The following PCED1B variants were observed in gnomAD, a reference collection of about 807,000 sequenced individuals.
PCED1B encodes PC-esterase domain containing 1B.
For synonymous variants in PCED1B, 251 were observed against 246.1 expected (o/e 1.02, Z -0.19); for missense variants, 573 against 573.9 (o/e 1.00, Z 0.02).
chr12:47,093,664 A>G (rs949673519), intron 1 of PCED1B, among the ~76,000 whole-genome samples: 2 of 151,198 alleles, frequency 1.3e-5, no homozygotes, highest in African/African-American at 2.4e-5. Flanking sequence ...TTTAAGAACT[A>G]ATTTCTGTTT....
chr12:47,152,708 A>G (rs1941040516), intron 2 of PCED1B, among the ~76,000 whole-genome samples: 1 of 152,152 alleles, frequency 6.6e-6, no homozygotes, highest in African/African-American at 2.4e-5. Context: ...AGGCAGGTGG[A>G]TCACCTGAGG....
chr12:47,206,560 T>A (rs775312571), intron 2 of PCED1B: 1 of 152,256 alleles, frequency 6.6e-6, no homozygotes, highest in Non-Finnish European at 1.5e-5. Flanking sequence ...TTGCTCCACC[T>A]CCTGCCTCCT....
chr12:47,131,019 T>C (rs1940101763), intron 2 of PCED1B, among the ~76,000 whole-genome samples: 1 of 152,202 alleles, frequency 6.6e-6, no homozygotes, highest in African/African-American at 2.4e-5. Flanking sequence ...ATAATCATAT[T>C]CAGTATGTTC....
chr12:47,094,636 A>ATTT (rs200368205), intron 1 of PCED1B, among the ~76,000 whole-genome samples: 2,415 of 152,154 alleles, frequency 0.016, 73 homozygotes, highest in African/African-American at 0.054. Flanking sequence ...TTTATTACAG[A>ATTT]ATTATACAAA....
At chr12:47,090,657 A>C (rs1454644535) in intron 1 of PCED1B, among the ~76,000 whole-genome samples, 3 of 152,124 alleles carry the variant, frequency 2.0e-5, no homozygotes, top group African/African-American at 7.2e-5. Flanking sequence ...CTAACAACAT[A>C]GATTAGCTCA....
intron 1 of PCED1B, among the ~76,000 whole-genome samples, chr12:47,081,794 C>A (rs1311628828): frequency 6.6e-6 from 1 of 151,984 alleles, no homozygotes; most frequent in East Asian, 1.9e-4. Flanking sequence ...TTTAAGGAAA[C>A]CATGAAGGCA....
intron 2 of PCED1B, among the ~76,000 whole-genome samples, chr12:47,154,504 CTTAG>C (rs1033935879): frequency 3.3e-5 from 5 of 152,084 alleles, no homozygotes; most frequent in African/African-American, 1.2e-4. Flanking sequence ...TTTTAAAAAT[CTTAG>C]TTGGTATCAT....
At chr12:47,162,986 A>C (rs1215257192) in intron 2 of PCED1B, among the ~76,000 whole-genome samples, 1 of 152,222 alleles carries the variant, frequency 6.6e-6, no homozygotes, top group Non-Finnish European at 1.5e-5. Flanking sequence ...GAATTTTAAT[A>C]GGGATTGCAT....
chr12:47,182,240 A>G (rs768611955), intron 2 of PCED1B, among the ~76,000 whole-genome samples: 8 of 152,180 alleles, frequency 5.3e-5, no homozygotes, highest in Non-Finnish European at 1.2e-4. Flanking sequence ...GAGGACCTAG[A>G]AGAATTCACT....
chr12:47,230,366 A>G (rs832709), intron 3 of PCED1B, among the ~76,000 whole-genome samples: 104,071 of 151,962 alleles, frequency 0.68, 35,780 homozygotes, highest in South Asian at 0.74. Flanking sequence ...TCACAGGCAT[A>G]AGCCACCACG....
At chr12:47,109,468 G>T (rs1565752145) in intron 2 of PCED1B, among the ~76,000 whole-genome samples, 4 of 151,896 alleles carry the variant, frequency 2.6e-5, no homozygotes. Context: ...TTTAGTTGAG[G>T]ATTCTGGGAA....
At chr12:47,121,790 T>C (rs1939687856) in intron 2 of PCED1B, among the ~76,000 whole-genome samples, 1 of 152,026 alleles carries the variant, frequency 6.6e-6, no homozygotes, top group Non-Finnish European at 1.5e-5. Flanking sequence ...CCCAACACTT[T>C]GGAAGGCAAG....
chr12:47,149,465 G>A (rs952174577), intron 2 of PCED1B, among the ~76,000 whole-genome samples: 1 of 152,150 alleles, frequency 6.6e-6, no homozygotes, highest in Non-Finnish European at 1.5e-5. Flanking sequence ...TGAGATAACT[G>A]TCTTTTTCAG....
chr12:47,129,278 A>G (rs1940019355), intron 2 of PCED1B, among the ~76,000 whole-genome samples: 1 of 151,972 alleles, frequency 6.6e-6, no homozygotes, highest in Non-Finnish European at 1.5e-5. Flanking sequence ...TTTGAGATCA[A>G]CCTGGGCAAC....
Position 47,236,192 on chromosome 12 carries a change from C to G in PCED1B, c.1129C>G (p.Pro377Ala). 1 of 1,614,144 alleles carries G rather than the reference C, an allele frequency of 6.2e-7. No individual in the cohort carries two copies. The part of the protein sequence containing the change: ...FFVEDNFMVG[P>A]QLPMPFFPTP... ...CGTCGAAGACAATTTTATGGTTGGT[C>G]CTCAGCTGCCTATGCCCTTCTTCCC... Residue 377 changes from proline to alanine, a missense_variant, in exon 4 of 4, where the codon CCT (proline) becomes GCT (alanine). Physicochemically the swap from Pro to Ala is conservative, Grantham distance 27. Coordinates refer to ENST00000546455, the MANE Select transcript of PCED1B (RefSeq NM_138371.3).
chr12:47,233,974 T>G (rs1283201319), intron 3 of PCED1B, among the ~76,000 whole-genome samples: 3 of 152,100 alleles, frequency 2.0e-5, no homozygotes, highest in African/African-American at 4.8e-5. Flanking sequence ...TTAGGGGTTT[T>G]TTTTGTTTTG....
At chr12:47,213,159 C>T (rs1223597480) in intron 2 of PCED1B, among the ~76,000 whole-genome samples, 1 of 152,140 alleles carries the variant, frequency 6.6e-6, no homozygotes, top group Non-Finnish European at 1.5e-5. Context: ...GCACATACTT[C>T]GTGCAAAATT....
intron 1 of PCED1B, among the ~76,000 whole-genome samples, chr12:47,086,487 A>C (rs1937992519): frequency 6.6e-6 from 1 of 152,110 alleles, no homozygotes; most frequent in South Asian, 2.1e-4. Context: ...GAGGAACCTG[A>C]GAAGTTTGCA....
intron 2 of PCED1B, chr12:47,209,093 T>G (rs529406471): frequency 1.3e-5 from 2 of 152,436 alleles, no homozygotes; most frequent in East Asian, 3.9e-4. Flanking sequence ...TGTCTGGTTG[T>G]CAGGGTGAGC....
Sources: allele counts gnomAD v4.1 joint callset (sites outside exome capture counted in the v4.1 genomes callset), GRCh38; gene constraint gnomAD v4.1.1; transcripts MANE v1.5; gene names NCBI Gene and HGNC (gene_info 2026-07-23, HGNC 2026-07-21).